SPEF2: variants seen among roughly 807,000 people sequenced by gnomAD.
The protein encoded by SPEF2 is sperm flagellar and cilia associated 2.
SPEF2 carries 187 observed loss-of-function variants against 224.6 expected under a neutral mutation model. The ratio of observed to expected loss-of-function variants is 0.83; its 90% confidence interval spans 0.74 to 0.94. SPEF2 has a LOEUF of 0.94. Ranked by LOEUF, SPEF2 falls within the 40% of genes least tolerant of loss-of-function variation. The pLI, the probability that SPEF2 is intolerant of heterozygous loss-of-function variation, is 0.00. For synonymous variants in SPEF2, 715 were observed against 707.3 expected (o/e 1.01, Z -0.17); for missense variants, 2,170 against 2,135.6 (o/e 1.02, Z -0.32).
intron 23 of SPEF2, among the ~76,000 whole-genome samples, chr5:35,746,605 C>T (rs1748567831): frequency 7.0e-6 from 1 of 142,662 alleles, no homozygotes; most frequent in Admixed American, 7.6e-5. Context: ...CAAATTAACC[C>T]AATCCAACAA....
chr5:35,801,793 C>T (rs1246613799), intron 34 of SPEF2, among the ~76,000 whole-genome samples: 1 of 152,136 alleles, frequency 6.6e-6, no homozygotes, highest in Non-Finnish European at 1.5e-5. Flanking sequence ...CAATGACTTC[C>T]TTGAGATCTG....
intron 30 of SPEF2, chr5:35,790,008 C>T: frequency 1.4e-6 from 1 of 700,338 alleles, no homozygotes; most frequent in South Asian, 1.5e-5. Context: ...TTTTACATTT[C>T]TTCTCCTCCC....
chr5:35,724,825 C>T (rs916810472), intron 20 of SPEF2, among the ~76,000 whole-genome samples: 2 of 152,140 alleles, frequency 1.3e-5, no homozygotes, highest in Non-Finnish European at 2.9e-5. Flanking sequence ...TTATTGGCCC[C>T]AGACCAAGTT....
chr5:35,776,790 A>G (rs1753666369), intron 29 of SPEF2, among the ~76,000 whole-genome samples: 1 of 152,236 alleles, frequency 6.6e-6, no homozygotes, highest in Admixed American at 6.5e-5. Context: ...GAGATTAAAA[A>G]GTCATTCACT....
chr5:35,806,850 G>A lies in SPEF2; in HGVS notation c.5154G>A (p.Lys1718=). ...TCCCTGAAAATGCAAACAATGAAAA[G>A]ATGTCCATGGAAACACTACTCAAAG... ...EEIPENANNE[K]MSMETLLKVF... Residue 1718 remains lysine (K), a synonymous_variant, in exon 35 of 37, where the codon AAG becomes AAA. Transcript: ENST00000356031. 6.2e-7 allele frequency: 1 copy of A among 1,614,006 alleles called. No individual in the cohort carries two copies.
intron 24 of SPEF2, among the ~76,000 whole-genome samples, chr5:35,759,117 T>C (rs1750868070): frequency 7.1e-6 from 1 of 140,356 alleles, no homozygotes; most frequent in African/African-American, 3.1e-5. Flanking sequence ...AACCCAGTGT[T>C]TTTTTTTGTA....
intron 1 of SPEF2, among the ~76,000 whole-genome samples, chr5:35,625,120 T>C (rs1744051819): frequency 6.6e-6 from 1 of 152,236 alleles, no homozygotes; most frequent in South Asian, 2.1e-4. Flanking sequence ...TTCTAGTTTC[T>C]GCTGATGTGG....
At chr5:35,648,856 A>T (rs532547028) in intron 5 of SPEF2, among the ~76,000 whole-genome samples, 1 of 152,190 alleles carries the variant, frequency 6.6e-6, no homozygotes, top group South Asian at 2.1e-4. Context: ...TGTATTAAAA[A>T]TACAAAAGTT....
intron 20 of SPEF2, among the ~76,000 whole-genome samples, chr5:35,717,720 C>G (rs1742859872): frequency 6.6e-6 from 1 of 152,150 alleles, no homozygotes; most frequent in Non-Finnish European, 1.5e-5. Flanking sequence ...AGGGGCTAGG[C>G]TCCTCCCCAC....
Position 35,654,690 on chromosome 5 carries a change from G to A in SPEF2, c.942G>A (p.Leu314=), listed in dbSNP as rs1748717144. ...REQREKRRRK[L]LMDQLIAHEA... ...AAAGGGAGAAAAGACGGCGGAAATT[G>A]TTAATGGACCAGTTAATAGCCCACG... Residue 314 remains leucine (L), a synonymous_variant, in exon 7 of 37, where the codon TTG becomes TTA. Coordinates refer to ENST00000356031, the MANE Select transcript of SPEF2 (RefSeq NM_024867.4). 1 of 1,611,596 alleles carries A rather than the reference G, an allele frequency of 6.2e-7. No homozygotes were observed. Among genetic ancestry groups the A allele is most frequent in the South Asian group, 1.1e-5 (1 of 90,254 alleles).
intron 29 of SPEF2, among the ~76,000 whole-genome samples, chr5:35,777,034 C>T (rs1753698010): frequency 6.6e-6 from 1 of 152,156 alleles, no homozygotes; most frequent in Non-Finnish European, 1.5e-5. Context: ...TTGCTCTGGG[C>T]CTCATTGGCT....
chr5:35,799,499 C>T (rs945351997), intron 33 of SPEF2, among the ~76,000 whole-genome samples: 4 of 152,136 alleles, frequency 2.6e-5, no homozygotes, highest in African/African-American at 9.7e-5. Flanking sequence ...GCAGGTGAAC[C>T]AGTTTAAAGA....
At chr5:35,773,617 G>A (rs2149787378) in intron 27 of SPEF2, among the ~76,000 whole-genome samples, 1 of 152,252 alleles carries the variant, frequency 6.6e-6, no homozygotes, top group Non-Finnish European at 1.5e-5. Context: ...TTTGGAAACT[G>A]TAACCATTTT....
intron 36 of SPEF2, among the ~76,000 whole-genome samples, chr5:35,811,923 T>G (rs971453884): frequency 1.3e-5 from 2 of 151,984 alleles, no homozygotes; most frequent in Non-Finnish European, 2.9e-5. Context: ...TAGCTGGGAC[T>G]ACAGGTGCCT....
At chr5:35,717,876 G>A (rs1398925784) in intron 20 of SPEF2, among the ~76,000 whole-genome samples, 2 of 152,172 alleles carry the variant, frequency 1.3e-5, no homozygotes, top group Non-Finnish European at 2.9e-5. Flanking sequence ...GGATAAGGAC[G>A]AAGACCGATC....
chr5:35,763,977 G>A (rs1307655817), intron 26 of SPEF2, among the ~76,000 whole-genome samples: 1 of 152,260 alleles, frequency 6.6e-6, no homozygotes, highest in African/African-American at 2.4e-5. Flanking sequence ...TAATGAGGTG[G>A]GTCAAGTGTA....
At chr5:35,653,579 AG>A (rs1045473730) in intron 6 of SPEF2, among the ~76,000 whole-genome samples, 1 of 152,136 alleles carries the variant, frequency 6.6e-6, no homozygotes, top group African/African-American at 2.4e-5. Flanking sequence ...GACTCAAAAC[AG>A]GGGAGGTCAG....
chr5:35,809,162 A>G (rs2149878619), intron 36 of SPEF2, among the ~76,000 whole-genome samples: 1 of 152,238 alleles, frequency 6.6e-6, no homozygotes, highest in African/African-American at 2.4e-5. Context: ...GACACAGGGG[A>G]AGTGCTACAG....
chr5:35,717,228 A>T (rs2149619826), intron 20 of SPEF2, among the ~76,000 whole-genome samples: 1 of 152,142 alleles, frequency 6.6e-6, no homozygotes, highest in Non-Finnish European at 1.5e-5. Context: ...TTTCAAAGGG[A>T]GCAGGAGACA....
Sources: gnomAD v4.1 joint callset for allele counts (sites outside exome capture counted in the v4.1 genomes callset) on GRCh38, gnomAD v4.1.1 for gene constraint, MANE v1.5 for transcripts, NCBI Gene and HGNC (gene_info 2026-07-23, HGNC 2026-07-21) for gene names.